Variants in DDX4 observed in about 807,000 individuals in gnomAD.
The protein encoded by DDX4 is probable ATP-dependent RNA helicase DDX4.
Under a neutral mutation model 100.0 loss-of-function variants are expected in DDX4, and 25 were observed. That is an observed-to-expected ratio of 0.25 (90% confidence interval 0.18 to 0.35). The LOEUF is 0.35. Among genes scored for constraint, DDX4 ranks in the 10% least tolerant of loss-of-function variants. The probability of loss-of-function intolerance (pLI) is 1.00; values close to 1 mark genes in which losing one functional copy is unlikely to be tolerated. For missense variants in DDX4, 635 were observed against 882.4 expected (o/e 0.72, Z 3.55); for synonymous variants, 259 against 275.7 (o/e 0.94, Z 0.60).
intron 17 of DDX4, among the ~76,000 whole-genome samples, chr5:55,793,313 GC>G (rs1742711243): frequency 6.6e-6 from 1 of 152,018 alleles, no homozygotes; most frequent in African/African-American, 2.4e-5. Context: ...TTTCCTGCCA[GC>G]CCCTTGTCTC....
At chr5:55,773,946 A>AT (rs1011778511) in intron 7 of DDX4, among the ~76,000 whole-genome samples, 11 of 151,920 alleles carry the variant, frequency 7.2e-5, no homozygotes, top group African/African-American at 2.7e-4. Context: ...TTTTGATTGC[A>AT]TTTTTTGATG....
chr5:55,802,532 T>C (rs1170848760), intron 18 of DDX4, among the ~76,000 whole-genome samples: 1 of 152,196 alleles, frequency 6.6e-6, no homozygotes, highest in Non-Finnish European at 1.5e-5. Flanking sequence ...ATTCTGTCTG[T>C]TTCTAGAAGG....
rs868584994 is a variant in DDX4 at position 55,746,209 on chromosome 5, G to A, written c.115G>A (p.Ala39Thr). Reference sequence around the variant, plus strand: ...TGGAGACAATTTTAACAGGACTCCAGCTTCATCATCAGGTATGTGTTATGG... The same window carrying A: ...TGGAGACAATTTTAACAGGACTCCAACTTCATCATCAGGTATGTGTTATGG... Reference protein sequence around the residue: ...ENGDNFNRTPASSSEMDDGPS... With the variant: ...ENGDNFNRTPTSSSEMDDGPS... Residue 39 changes from alanine to threonine, a missense_variant, in exon 3 of 22, where the codon GCT (alanine) becomes ACT (threonine). Transcript: ENST00000505374. 1.9e-6 allele frequency: 3 copies of A among 1,612,102 alleles called. No individual in the cohort carries two copies. In the African/African-American group the frequency reaches 4.0e-5, roughly 22 times the overall value.
chr5:55,742,089 C>G (rs992900700), intron 2 of DDX4: 4 of 442,768 alleles, frequency 9.0e-6, no homozygotes, highest in African/African-American at 8.0e-5. Context: ...CTTCTCAATT[C>G]TAAATTTTAA....
At chr5:55,782,606 T>A (rs980390509) in intron 10 of DDX4, among the ~76,000 whole-genome samples, 1 of 151,688 alleles carries the variant, frequency 6.6e-6, no homozygotes, top group African/African-American at 2.4e-5. Flanking sequence ...AGTTTTTTGT[T>A]TGTTAAACAA....
intron 18 of DDX4, among the ~76,000 whole-genome samples, chr5:55,802,729 C>T (rs1743400067): frequency 6.6e-6 from 1 of 152,128 alleles, no homozygotes; most frequent in African/African-American, 2.4e-5. Context: ...GGGCAAGCAT[C>T]TAAAGAAAAC....
chr5:55,802,256 G>A (rs1321189099), intron 18 of DDX4, among the ~76,000 whole-genome samples: 1 of 152,130 alleles, frequency 6.6e-6, no homozygotes, highest in Non-Finnish European at 1.5e-5. Context: ...CTGAATTTGG[G>A]TTGGGATGGG....
At chr5:55,782,384 C>G (rs1476843794) in intron 10 of DDX4, 2 of 173,820 alleles carry the variant, frequency 1.2e-5, no homozygotes, top group Non-Finnish European at 2.5e-5. Context: ...GCAGGCAGAT[C>G]AGAAGGTCAA....
intron 5 of DDX4, among the ~76,000 whole-genome samples, chr5:55,763,714 A>G (rs1465121005): frequency 1.3e-5 from 2 of 152,192 alleles, no homozygotes; most frequent in Admixed American, 6.5e-5. Flanking sequence ...AATAGAAAAC[A>G]TATAGTGGTT....
intron 18 of DDX4, among the ~76,000 whole-genome samples, chr5:55,812,770 T>C (rs79945825): frequency 0.039 from 5,990 of 152,194 alleles, 162 homozygotes; most frequent in Non-Finnish European, 0.062. Context: ...AAAGTAATCA[T>C]CTCTGGACCC....
chr5:55,797,206 G>C (rs1743020016), intron 17 of DDX4, among the ~76,000 whole-genome samples: 1 of 152,116 alleles, frequency 6.6e-6, no homozygotes. Context: ...TGTATCTTGT[G>C]AAAGAAACTG....
intron 21 of DDX4, among the ~76,000 whole-genome samples, chr5:55,816,155 T>G (rs998745802): frequency 6.6e-6 from 1 of 152,166 alleles, no homozygotes; most frequent in Non-Finnish European, 1.5e-5. Flanking sequence ...TCAGAAACAA[T>G]GAGCATGTTA....
Position 55,792,809 on chromosome 5 carries a change from T to C in DDX4, c.1469+2T>C. 7.2e-7 allele frequency: 1 copy of C among 1,388,420 alleles called. No individual in the cohort carries two copies. Among genetic ancestry groups the C allele is most frequent in the Middle Eastern group, 1.9e-4 (1 of 5,202 alleles). The allele number at this position is 1,388,420 out of a possible 1,614,324, so 86.0% of individuals were successfully genotyped here. On this transcript the variant is annotated splice_donor_variant, in intron 17 of 21. Transcript: ENST00000505374. LOFTEE classifies it high-confidence loss of function. ...AACTTTTCCAGAGGAAATTCAAAGGTTAAGTTTTTTTCTTAAAAATAATTT... is the reference window on the plus strand; with the variant it reads ...AACTTTTCCAGAGGAAATTCAAAGGCTAAGTTTTTTTCTTAAAAATAATTT...
chr5:55,816,613 G>T lies in DDX4; in HGVS notation c.*73G>T. On this transcript the variant is annotated 3_prime_UTR_variant, in exon 22 of 22. Transcript: ENST00000505374. ...AGTTTTGATTTTTGAGTTTTTAACA[G>T]AAGTATAAAACTTAACATTCTCATA... is the stretch of plus-strand genomic sequence containing the variant. 6.4e-7 allele frequency: 1 copy of T among 1,570,180 alleles called. No homozygotes were observed. Among genetic ancestry groups the T allele is most frequent in the Non-Finnish European group, 8.7e-7 (1 of 1,154,916 alleles).
intron 18 of DDX4, among the ~76,000 whole-genome samples, chr5:55,799,241 T>G (rs1357133536): frequency 6.6e-6 from 1 of 152,082 alleles, no homozygotes; most frequent in African/African-American, 2.4e-5. Flanking sequence ...CTAATTCTAT[T>G]ATTTTTTGTA....
rs1410374414 is a variant in DDX4, at chr5:55,764,077, T to C, written c.334+13T>C. 1 of 1,593,870 alleles carries C rather than the reference T, an allele frequency of 6.3e-7. No individual in the cohort carries two copies. Among genetic ancestry groups the C allele is most frequent in the East Asian group, 2.2e-5 (1 of 44,656 alleles). Reference sequence around the variant, plus strand: ...GGTTTCTGGAGAGGTAAGGTTGATATTTTTGTGTTTTAAAATTTAATGTCA... The same window carrying C: ...GGTTTCTGGAGAGGTAAGGTTGATACTTTTGTGTTTTAAAATTTAATGTCA... On this transcript the variant is annotated intron_variant, in intron 6 of 21. Coordinates refer to ENST00000505374, the MANE Select transcript of DDX4 (RefSeq NM_024415.3).
At chr5:55,762,288 T>C (rs977052719) in intron 4 of DDX4, among the ~76,000 whole-genome samples, 1 of 152,188 alleles carries the variant, frequency 6.6e-6, no homozygotes, top group Admixed American at 6.6e-5. Context: ...TTTAATGTTT[T>C]ATTTTAAATA....
At chr5:55,800,205 A>T (rs1469589945) in intron 18 of DDX4, among the ~76,000 whole-genome samples, 1 of 152,198 alleles carries the variant, frequency 6.6e-6, no homozygotes, top group Non-Finnish European at 1.5e-5. Flanking sequence ...GGGATGAAGA[A>T]ACAAATATAG....
intron 2 of DDX4, among the ~76,000 whole-genome samples, chr5:55,744,049 CT>C (rs908089493): frequency 6.6e-6 from 1 of 151,214 alleles, no homozygotes; most frequent in Non-Finnish European, 1.5e-5. Context: ...TAAACTGGAA[CT>C]TTTTTTTACT....
Sources: gnomAD v4.1 joint callset for allele counts (sites outside exome capture counted in the v4.1 genomes callset) on GRCh38, gnomAD v4.1.1 for gene constraint, MANE v1.5 for transcripts, NCBI Gene and HGNC (gene_info 2026-07-23, HGNC 2026-07-21) for gene names.